The following CRPPA variants were observed in gnomAD, a reference collection of about 807,000 sequenced individuals.
The protein encoded by CRPPA is D-ribitol-5-phosphate cytidylyltransferase.
Under a neutral mutation model 52.0 loss-of-function variants are expected in CRPPA, and 43 were observed. The ratio of observed to expected loss-of-function variants is 0.83; its 90% confidence interval spans 0.65 to 1.07. The LOEUF is 1.07. CRPPA is among the 50% of genes least tolerant of loss of function. The pLI is 0.00. For synonymous variants in CRPPA, 250 were observed against 203.5 expected (o/e 1.23, Z -1.94); for missense variants, 629 against 551.7 (o/e 1.14, Z -1.40).
intron 8 of CRPPA, among the ~76,000 whole-genome samples, chr7:16,226,121 C>T (rs1247486514): frequency 1.3e-5 from 2 of 151,894 alleles, no homozygotes; most frequent in African/African-American, 4.8e-5. Context: ...ATTTAATAAT[C>T]TCAGGAACAA....
At chr7:16,415,031 T>C (rs1333044129) in intron 1 of CRPPA, among the ~76,000 whole-genome samples, 3 of 146,014 alleles carry the variant, frequency 2.1e-5, no homozygotes, top group African/African-American at 5.4e-5. Context: ...TGTTAAATAC[T>C]TAGCTTGTAA....
chr7:16,200,073 G>A (rs1284129280), intron 9 of CRPPA, among the ~76,000 whole-genome samples: 5 of 152,008 alleles, frequency 3.3e-5, no homozygotes, highest in South Asian at 4.1e-4. Flanking sequence ...GGCCAGGTTG[G>A]TCTCAAACTC....
chr7:16,120,240 G>A (rs1275232155), intron 9 of CRPPA, among the ~76,000 whole-genome samples: 2 of 152,086 alleles, frequency 1.3e-5, no homozygotes, highest in African/African-American at 2.4e-5. Context: ...GGTTTTATCA[G>A]GAATCTTGTT....
intron 1 of CRPPA, among the ~76,000 whole-genome samples, chr7:16,414,935 C>G (rs182553544): frequency 7.9e-5 from 12 of 152,282 alleles, no homozygotes; most frequent in Admixed American, 4.6e-4. Flanking sequence ...TACACACATT[C>G]ATGTATACTA....
chr7:16,338,085 CA>C, intron 3 of CRPPA, among the ~76,000 whole-genome samples: 2 of 152,140 alleles, frequency 1.3e-5, no homozygotes, highest in East Asian at 3.9e-4. Flanking sequence ...AACATAGACA[CA>C]AAAATTATCA....
chr7:16,330,925 C>A (rs767232498), intron 3 of CRPPA, among the ~76,000 whole-genome samples: 1 of 152,132 alleles, frequency 6.6e-6, no homozygotes, highest in African/African-American at 2.4e-5. Flanking sequence ...CCCACATACC[C>A]AACTCCAGCA....
intron 9 of CRPPA, among the ~76,000 whole-genome samples, chr7:16,127,647 C>T (rs528410733): frequency 7.8e-4 from 118 of 151,938 alleles, no homozygotes; most frequent in African/African-American, 2.7e-3. Flanking sequence ...CAAAACAAAA[C>T]AAAAACCCAT....
At chr7:16,214,579 A>ACC (rs903820069) in intron 9 of CRPPA, among the ~76,000 whole-genome samples, 12 of 151,914 alleles carry the variant, frequency 7.9e-5, no homozygotes, top group Non-Finnish European at 1.5e-4. Flanking sequence ...GCTCACTGCA[A>ACC]CCTCCGCCTC....
intron 3 of CRPPA, among the ~76,000 whole-genome samples, chr7:16,328,371 T>C (rs1169766223): frequency 1.3e-5 from 2 of 152,244 alleles, no homozygotes; most frequent in Admixed American, 6.5e-5. Context: ...CCAGTCTTGC[T>C]TTCAATTTTC....
intron 1 of CRPPA, among the ~76,000 whole-genome samples, chr7:16,409,506 G>T (rs999979496): frequency 3.3e-5 from 5 of 152,186 alleles, no homozygotes; most frequent in African/African-American, 1.2e-4. Context: ...TGCAATGATG[G>T]TCGCCTGGGT....
chr7:16,249,944 A>G (rs576230674), intron 8 of CRPPA, among the ~76,000 whole-genome samples: 2 of 152,324 alleles, frequency 1.3e-5, no homozygotes, highest in East Asian at 3.9e-4. Context: ...GAGCTAAGGG[A>G]GCATGTTCTA....
intron 9 of CRPPA, among the ~76,000 whole-genome samples, chr7:16,209,606 T>G (rs1175391314): frequency 1.3e-5 from 2 of 152,012 alleles, no homozygotes; most frequent in Non-Finnish European, 2.9e-5. Flanking sequence ...ATGAATAAAA[T>G]AAAATCTTGA....
chr7:16,228,201 C>A (rs902293192), intron 8 of CRPPA, among the ~76,000 whole-genome samples: 1 of 151,728 alleles, frequency 6.6e-6, no homozygotes, highest in Non-Finnish European at 1.5e-5. Flanking sequence ...TTCCTCAACA[C>A]GGTTTTGACT....
intron 9 of CRPPA, among the ~76,000 whole-genome samples, chr7:16,207,659 T>C (rs193003154): frequency 1.9e-4 from 29 of 152,318 alleles, no homozygotes; most frequent in African/African-American, 6.7e-4. Context: ...TAGAAAACAC[T>C]CAGTTTTGCA....
At chr7:16,407,167 A>G (rs955197629) in intron 1 of CRPPA, among the ~76,000 whole-genome samples, 3 of 152,078 alleles carry the variant, frequency 2.0e-5, no homozygotes, top group Non-Finnish European at 4.4e-5. Flanking sequence ...TAGTAGAGAT[A>G]GGGTTTCATG....
intron 9 of CRPPA, among the ~76,000 whole-genome samples, chr7:16,119,861 A>G (rs1243947200): frequency 6.6e-6 from 1 of 152,228 alleles, no homozygotes; most frequent in Admixed American, 6.5e-5. Flanking sequence ...TCAAGTAGAC[A>G]GCTGTATATG....
chr7:16,227,844 CT>C (rs1782691364), intron 8 of CRPPA, among the ~76,000 whole-genome samples: 1 of 151,830 alleles, frequency 6.6e-6, no homozygotes, highest in Admixed American at 6.6e-5. Flanking sequence ...GGATTTTCTC[CT>C]ATGTATCTTC....
rs180781830 is a variant in CRPPA at position 16,132,438 on chromosome 7, G to C, written c.1252-40639C>G. On this transcript the variant is annotated intron_variant, in intron 9 of 9. Transcript: ENST00000407010. The stretch of plus-strand genomic sequence containing the variant: ...AAAGCATATATAGAATTCTCTCGTT[G>C]AAAGAGAATAGAAAGGATTAAGAAT... 2.6e-4 allele frequency among the ~76,000 whole-genome samples: 32 copies of C among 124,740 alleles called. 3 individuals carry two copies. The highest frequency in any genetic ancestry group is 7.5e-4 in the African/African-American group (29 of 38,578). The allele number at this position is 124,740 out of a possible 152,430, so 81.8% of individuals were successfully genotyped here. A position where few individuals can be genotyped will look rare whatever the true frequency, so the allele number is the denominator to read the frequency against.
intron 3 of CRPPA, among the ~76,000 whole-genome samples, chr7:16,336,801 C>G (rs1322703630): frequency 2.6e-5 from 4 of 151,872 alleles, no homozygotes; most frequent in East Asian, 1.9e-4. Flanking sequence ...AAAAGACATT[C>G]CACATGAATA....
Sources: allele counts gnomAD v4.1 joint callset (sites outside exome capture counted in the v4.1 genomes callset), GRCh38; gene constraint gnomAD v4.1.1; transcripts MANE v1.5; gene names NCBI Gene and HGNC (gene_info 2026-07-23, HGNC 2026-07-21).